Variants in CAPN3 observed in about 807,000 individuals in gnomAD.
CAPN3 encodes calpain-3.
A neutral mutation model predicts 114.0 loss-of-function variants in CAPN3; 88 were observed. The ratio of observed to expected loss-of-function variants is 0.77; its 90% CI spans 0.65 to 0.92. The LOEUF is 0.92. Ranked by LOEUF, CAPN3 falls within the 40% of genes least tolerant of loss-of-function variation. The probability of loss-of-function intolerance (pLI) is 0.00; values close to 1 mark genes in which losing one functional copy is unlikely to be tolerated. For missense variants in CAPN3, 1,028 were observed against 1,069.0 expected (o/e 0.96, Z 0.53); for synonymous variants, 386 against 382.9 (o/e 1.01, Z -0.09).
Position 42,410,446 on chromosome 15 carries a change from C to T in CAPN3, c.2134C>T (p.Leu712Phe), listed in dbSNP as rs794727318. Residue 712 changes from leucine to phenylalanine, a missense_variant, in exon 20 of 24, where the codon CTC becomes TTC. Transcript: ENST00000397163. ...ALMDTDGSGK[L>F]NLQEFHHLWN... Reference sequence around the variant, plus strand: ...CCTCCAGACAGATGGCTCTGGAAAGCTCAACCTGCAGGAGTTCCACCACCT... The same window carrying T: ...CCTCCAGACAGATGGCTCTGGAAAGTTCAACCTGCAGGAGTTCCACCACCT... 4 of 1,614,126 alleles carry T rather than the reference C, an allele frequency of 2.5e-6. No homozygotes were observed. The highest frequency in any genetic ancestry group is 3.4e-6 in the Non-Finnish European group (4 of 1,180,004).
intron 9 of CAPN3, among the ~76,000 whole-genome samples, chr15:42,398,419 T>C (rs978835681): frequency 1.9e-4 from 29 of 151,804 alleles, no homozygotes; most frequent in African/African-American, 6.3e-4. Context: ...ACCCCATCTC[T>C]ACAAAAATAC....
chr15:42,384,728 C>A (rs1328899308), intron 2 of CAPN3, among the ~76,000 whole-genome samples, 176 bp downstream of exon 2: 1 of 152,076 alleles, frequency 6.6e-6, no homozygotes, highest in African/African-American at 2.4e-5. Flanking sequence ...TGCTTCATTT[C>A]CTCCTACATG....
In CAPN3 at chr15:42,409,838, A is replaced by T; in HGVS notation, c.2044A>T (p.Asn682Tyr). The change falls in exon 18 of 24, where the codon AAC (asparagine) becomes TAC (tyrosine). Residue 682 changes from asparagine (N) to tyrosine (Y), a missense_variant. Asn to Tyr is a moderately radical substitution (Grantham distance 143). Transcript: ENST00000397163. The stretch of plus-strand genomic sequence containing the variant: ...CAAGAAGGTCCTTAACACAGTCGTG[A>T]ACAAACGTGAGTTGCTCAAACCAAA... ...ELKKVLNTVV[N>Y]KHKDLKTHGF... The T allele has an allele frequency of 7.2e-7, 1 of 1,381,472 alleles. No individual in the cohort carries two copies. The highest frequency in any genetic ancestry group is 9.9e-7 in the Non-Finnish European group (1 of 1,011,734). The allele number at this position is 1,381,472 out of a possible 1,614,324, so 85.6% of individuals were successfully genotyped here. A position where few individuals can be genotyped will look rare whatever the true frequency, so the allele number is the denominator to read the frequency against.
In CAPN3 at chr15:42,410,872, TC is replaced by T. The variant is rs771801443; in HGVS notation, c.2264-8del. On this transcript the variant is annotated splice_polypyrimidine_tract_variant and intron_variant, in intron 21 of 23. Transcript: ENST00000397163. ...AGCTCCACGTCCACCTCTAACATGG[TC>T]CCCTCCACAGGATTCCACCTCAACA... 3.1e-6 allele frequency: 5 copies of T among 1,603,280 alleles called. No homozygotes were observed. The highest frequency in any genetic ancestry group is 4.3e-6 in the Non-Finnish European group (5 of 1,170,212).
rs2141170297 is a variant in CAPN3, at chr15:42,389,979, C to T, written c.828C>T (p.Thr276=). The T allele has an allele frequency of 6.2e-7, 1 of 1,614,082 alleles. No individual in the cohort carries two copies. Among genetic ancestry groups the T allele is most frequent in the East Asian group, 2.2e-5 (1 of 44,880 alleles). The part of the protein sequence containing the change: ...IDDGTNMTYG[T]SPSGLNMGEL... ...ATGGCACGAACATGACCTATGGAAC[C>T]TCTCCTTCTGGTCTGAACATGGGGG... The change falls in exon 6 of 24, where the codon ACC becomes ACT. Residue 276 remains threonine, a synonymous_variant. Coordinates refer to ENST00000397163, the MANE Select transcript of CAPN3 (RefSeq NM_000070.3).
At chr15:42,381,865 C>T (rs764446516) in intron 1 of CAPN3, among the ~76,000 whole-genome samples, 1 of 152,104 alleles carries the variant, frequency 6.6e-6, no homozygotes, top group Non-Finnish European at 1.5e-5. Context: ...CTACAAATAA[C>T]GAAATACTGA....
rs139836397 is a variant in CAPN3, at chr15:42,399,555, T to G, written c.1257T>G (p.Asp419Glu). The G allele has an allele frequency of 2.2e-5, 36 of 1,612,312 alleles. No homozygotes were observed. Among genetic ancestry groups the G allele is most frequent in the Non-Finnish European group, 3.0e-5 (35 of 1,178,522 alleles). Residue 419 changes from aspartate (D) to glutamate (E), a missense_variant, in exon 10 of 24, where the codon GAT becomes GAG. Asp to Glu is a conservative substitution (Grantham distance 45). Transcript: ENST00000397163. ...TKLEICNLTA[D>E]ALQSDKLQTW... is the part of the protein sequence containing the mutation. ...TGGAGATCTGCAACCTCACGGCCGATGCTCTGCAGTCTGACAAGCTTCAGA... is the reference window on the plus strand; with the variant it reads ...TGGAGATCTGCAACCTCACGGCCGAGGCTCTGCAGTCTGACAAGCTTCAGA...
chr15:42,372,454 C>G (rs775322580), intron 1 of CAPN3, among the ~76,000 whole-genome samples: 1 of 152,218 alleles, frequency 6.6e-6, no homozygotes, highest in East Asian at 1.9e-4. Context: ...CCACTGCGCC[C>G]AGCCTGCCTT....
intron 13 of CAPN3, among the ~76,000 whole-genome samples, chr15:42,403,298 CAT>C (rs1331453453): frequency 2.0e-5 from 3 of 152,144 alleles, no homozygotes; most frequent in African/African-American, 2.4e-5. Context: ...ATAGGAAAAA[CAT>C]ATGTAGCATG....
At position 42,402,955 on chromosome 15, in the gene CAPN3, G is replaced by A. The variant is rs962606008; in HGVS notation, c.1698G>A (p.Glu566=). Residue 566 remains glutamate (E), a synonymous_variant, in exon 13 of 24, where the codon GAG becomes GAA. Coordinates refer to ENST00000397163, the MANE Select transcript of CAPN3 (RefSeq NM_000070.3). ...IVPSTYEPHQ[E]GEFILRVFSE... is the part of the protein sequence containing the mutation. Reference sequence around the variant, plus strand: ...CCTCCACCTACGAGCCCCACCAGGAGGGGGAATTCATCCTCCGGGTCTTCT... The same window carrying A: ...CCTCCACCTACGAGCCCCACCAGGAAGGGGAATTCATCCTCCGGGTCTTCT... 4 of 1,614,228 alleles carry A rather than the reference G, an allele frequency of 2.5e-6. No individual in the cohort carries two copies. The highest frequency in any genetic ancestry group is 2.2e-5 in the South Asian group (2 of 91,080).
chr15:42,410,910 G>A lies in CAPN3; in HGVS notation c.2290G>A (p.Asp764Asn). Residue 764 changes from aspartate to asparagine, a missense_variant, in exon 22 of 24, where the codon GAC becomes AAC. Physicochemically the swap from Asp to Asn is conservative, Grantham distance 23 (BLOSUM62 1). Transcript: ENST00000397163. ...AGFHLNNQLY[D>N]IITMRYADKH... is the part of the protein sequence containing the mutation. ...ATTCCACCTCAACAACCAGCTCTATGACATCATTACCATGCGGTACGCAGA... is the reference window on the plus strand; with the variant it reads ...ATTCCACCTCAACAACCAGCTCTATAACATCATTACCATGCGGTACGCAGA... The A allele has an allele frequency of 1.9e-6, 3 of 1,614,146 alleles. No individual in the cohort carries two copies. Among genetic ancestry groups the A allele is most frequent in the Non-Finnish European group, 2.5e-6 (3 of 1,179,978 alleles).
rs542575841 is a variant in CAPN3, at chr15:42,391,684, G to A, written c.946-955G>A. Reference sequence around the variant, plus strand: ...GGGACTTTAGTGATCCTGCCCTTCTGCCAAGGATCCCCCATGGCTGCAACT... The same window carrying A: ...GGGACTTTAGTGATCCTGCCCTTCTACCAAGGATCCCCCATGGCTGCAACT... On this transcript the variant is annotated intron_variant, in intron 6 of 23. Transcript: ENST00000397163. Among the ~76,000 whole-genome samples the A allele has an allele frequency of 2.1e-4, 32 of 152,270 alleles. No individual in the cohort carries two copies. The East Asian group carries it at 6.0e-3, about 28-fold the overall frequency.
chr15:42,376,381 T>G (rs984540789), intron 1 of CAPN3, among the ~76,000 whole-genome samples: 2 of 152,240 alleles, frequency 1.3e-5, no homozygotes, highest in African/African-American at 4.8e-5. Flanking sequence ...CCCATTTGTT[T>G]ATTTATTCAG....
At chr15:42,378,466 A>G (rs1037513336) in intron 1 of CAPN3, among the ~76,000 whole-genome samples, 1 of 152,172 alleles carries the variant, frequency 6.6e-6, no homozygotes. Context: ...AATTTTTGCC[A>G]CCAGCCTGAC....
chr15:42,405,562 T>G (rs1327858419), intron 14 of CAPN3, among the ~76,000 whole-genome samples: 1 of 152,158 alleles, frequency 6.6e-6, no homozygotes, highest in Non-Finnish European at 1.5e-5. Flanking sequence ...TCCGCCCACC[T>G]CAGCCTCCCA....
Position 42,410,677 on chromosome 15 carries a change from G to C in CAPN3, c.2263+11G>C, listed in dbSNP as rs1479325640. ...CAGTCAACGACGCAGGTGCTGAGAA[G>C]GAAGGGGTGGCAGGGATGTGGACCC... On this transcript the variant is annotated intron_variant, in intron 21 of 23. Coordinates refer to ENST00000397163, the MANE Select transcript of CAPN3 (RefSeq NM_000070.3). The C allele has an allele frequency of 1.9e-6, 3 of 1,610,880 alleles. No individual in the cohort carries two copies. The highest frequency in any genetic ancestry group is 2.5e-6 in the Non-Finnish European group (3 of 1,177,524).
At chr15:42,371,835 G>A (rs1326822788) in intron 1 of CAPN3, among the ~76,000 whole-genome samples, 3 of 151,870 alleles carry the variant, frequency 2.0e-5, no homozygotes, top group African/African-American at 7.3e-5. Flanking sequence ...ATAGTGGCGG[G>A]AGCCTGTAAT....
chr15:42,396,111 CA>C (rs1327974362), intron 8 of CAPN3, among the ~76,000 whole-genome samples: 1 of 152,144 alleles, frequency 6.6e-6, no homozygotes, highest in African/African-American at 2.4e-5. Flanking sequence ...GCCCTGTGAA[CA>C]GGTGACATAA....
intron 22 of CAPN3, 39 bp from the exon 23 acceptor site, chr15:42,411,248 C>A: frequency 1.3e-6 from 2 of 1,569,090 alleles, no homozygotes; most frequent in Non-Finnish European, 1.8e-6. Flanking sequence ...AGGCGGAGTG[C>A]GCCTGTAACT....
Sources: allele counts gnomAD v4.1 joint callset (sites outside exome capture counted in the v4.1 genomes callset), GRCh38; gene constraint gnomAD v4.1.1; transcripts MANE v1.5; gene names NCBI Gene and HGNC (gene_info 2026-07-23, HGNC 2026-07-21).